The following SHISA9 variants were observed in gnomAD, a reference collection of about 807,000 sequenced individuals.
The protein encoded by SHISA9 is protein shisa-9.
A neutral mutation model predicts 38.0 loss-of-function variants in SHISA9; 13 were observed. The ratio of observed to expected loss-of-function variants is 0.34; its 90% CI spans 0.22 to 0.54. The LOEUF (loss-of-function observed/expected upper bound fraction) is 0.54. Among genes scored for constraint, SHISA9 ranks in the 20% least tolerant of loss-of-function variants. The probability of loss-of-function intolerance (pLI) is 0.91; values close to 1 mark genes in which losing one functional copy is unlikely to be tolerated. For missense variants in SHISA9, 538 were observed against 575.8 expected, an observed-to-expected ratio of 0.93 and a Z score of 0.67; for synonymous variants, 275 against 242.0, an observed-to-expected ratio of 1.14 and a Z score of -1.27.
chr16:13,218,969 T>C (rs2051197046), intron 4 of SHISA9, among the ~76,000 whole-genome samples: 1 of 152,222 alleles, frequency 6.6e-6, no homozygotes, highest in Non-Finnish European at 1.5e-5. Context: ...GGTTTGGTCA[T>C]GAGCCGCCGG....
intron 2 of SHISA9, among the ~76,000 whole-genome samples, chr16:13,059,010 A>G (rs1396194837): frequency 2.6e-5 from 4 of 152,108 alleles, no homozygotes; most frequent in African/African-American, 7.2e-5. Context: ...TCTTAGAATA[A>G]TTAGGAATTG....
At chr16:13,292,739 G>A in the SHISA9 span, among the ~76,000 whole-genome samples, 2 of 152,072 alleles carry the variant, frequency 1.3e-5, no homozygotes, top group Non-Finnish European at 2.9e-5. Flanking sequence ...AGGACTCTGA[G>A]GCTGTCTTGT....
chr16:13,098,336 C>T (rs2073846896), intron 2 of SHISA9, among the ~76,000 whole-genome samples: 1 of 152,202 alleles, frequency 6.6e-6, no homozygotes, highest in African/African-American at 2.4e-5. Flanking sequence ...TTATTGCATC[C>T]ATAAATGCCA....
At chr16:13,481,900 A>G in the SHISA9 span, among the ~76,000 whole-genome samples, 2 of 152,262 alleles carry the variant, frequency 1.3e-5, no homozygotes, top group African/African-American at 2.4e-5. Flanking sequence ...GAGAGATCTC[A>G]TTAAGAGAAC....
the SHISA9 span, among the ~76,000 whole-genome samples, chr16:13,322,145 T>C: frequency 1.3e-5 from 2 of 152,228 alleles, no homozygotes; most frequent in Non-Finnish European, 2.9e-5. Context: ...ATTTTACAAA[T>C]ACAGAAATGG....
chr16:13,411,910 C>T, the SHISA9 span, among the ~76,000 whole-genome samples: 3 of 152,284 alleles, frequency 2.0e-5, no homozygotes, highest in East Asian at 5.8e-4. Flanking sequence ...TCCATCACAG[C>T]ATCCAAAACT....
At chr16:13,159,189 A>AC (rs1337593100) in intron 2 of SHISA9, among the ~76,000 whole-genome samples, 1 of 152,220 alleles carries the variant, frequency 6.6e-6, no homozygotes, top group African/African-American at 2.4e-5. Context: ...GGAAAACAAG[A>AC]CCTATTTCTA....
At chr16:13,503,756 G>GAAC in the SHISA9 span, among the ~76,000 whole-genome samples, 2 of 152,056 alleles carry the variant, frequency 1.3e-5, no homozygotes, top group East Asian at 3.8e-4. Flanking sequence ...GAAAGTCATT[G>GAAC]AAGATTTTAA....
rs567942626 is a variant in SHISA9 at position 12,963,526 on chromosome 16, A to G, written c.691+46711A>G. Among the ~76,000 whole-genome samples the G allele has an allele frequency of 1.6e-4, 25 of 152,362 alleles. No individual in the cohort carries two copies. In the East Asian group the frequency reaches 4.4e-3, roughly 27 times the overall value. ...TGTTCAGTGTGTGGGATAATTAATA[A>G]TAGTTGACATTCATCAAATCCTTAT... On this transcript the variant is annotated intron_variant, in intron 2 of 4. Transcript: ENST00000558583.
At chr16:13,228,557 G>A (rs1483684986) in intron 4 of SHISA9, among the ~76,000 whole-genome samples, 1 of 152,206 alleles carries the variant, frequency 6.6e-6, no homozygotes, top group Admixed American at 6.5e-5. Flanking sequence ...ACATGGGAAA[G>A]AATGATGCTG....
chr16:13,503,897 A>T, the SHISA9 span, among the ~76,000 whole-genome samples: 3 of 152,332 alleles, frequency 2.0e-5, no homozygotes, highest in Non-Finnish European at 2.9e-5. Flanking sequence ...AGAGCCCACG[A>T]TAGAATAAAC....
the SHISA9 span, among the ~76,000 whole-genome samples, chr16:13,541,541 A>G: frequency 6.6e-6 from 1 of 152,162 alleles, no homozygotes; most frequent in Non-Finnish European, 1.5e-5. Flanking sequence ...CAGAATCTCC[A>G]TTTTAGAGTG....
the SHISA9 span, among the ~76,000 whole-genome samples, chr16:13,506,693 G>C: frequency 1.3e-5 from 2 of 152,066 alleles, no homozygotes; most frequent in Non-Finnish European, 2.9e-5. Context: ...TGGTGTCAGA[G>C]AGCTTATGGG....
intron 2 of SHISA9, among the ~76,000 whole-genome samples, chr16:13,158,687 G>A (rs2050568387): frequency 6.6e-6 from 1 of 152,148 alleles, no homozygotes; most frequent in Admixed American, 6.5e-5. Flanking sequence ...TTGTTGGAGG[G>A]AGGCTCCATT....
At chr16:13,263,572 C>T in the SHISA9 span, among the ~76,000 whole-genome samples, 3 of 152,168 alleles carry the variant, frequency 2.0e-5, no homozygotes, top group African/African-American at 7.2e-5. Context: ...GAACAGATGA[C>T]CAACACTATG....
rs183507881 is a variant in SHISA9 at position 13,227,798 on chromosome 16, A to G, written c.896-7232A>G. Among the ~76,000 whole-genome samples the G allele has an allele frequency of 6.6e-5, 10 of 152,258 alleles. No individual in the cohort carries two copies. The South Asian group carries it at 1.0e-3, about 16-fold the overall frequency. ...TCAAGGCCCCTTTGTGTGCCCTTTC[A>G]TGGAGTAAACTAGGCACTCAACAAA... On this transcript the variant is annotated intron_variant, in intron 4 of 4. Coordinates refer to ENST00000558583, the MANE Select transcript of SHISA9 (RefSeq NM_001145204.3).
chr16:13,231,211 G>T (rs1448318064), intron 4 of SHISA9, among the ~76,000 whole-genome samples: 1 of 152,180 alleles, frequency 6.6e-6, no homozygotes, highest in East Asian at 1.9e-4. Flanking sequence ...GGCTTAAGTG[G>T]CTAAGGGATG....
At chr16:13,280,641 T>G in the SHISA9 span, among the ~76,000 whole-genome samples, 1 of 151,850 alleles carries the variant, frequency 6.6e-6, no homozygotes, top group African/African-American at 2.4e-5. Context: ...TTAATTATGT[T>G]GTAACGAGAG....
At chr16:13,516,006 T>C in the SHISA9 span, among the ~76,000 whole-genome samples, 2 of 152,258 alleles carry the variant, frequency 1.3e-5, no homozygotes, top group Admixed American at 6.5e-5. Context: ...ATAACCTATG[T>C]CTTTCCATAT....
Sources: gnomAD v4.1 joint callset for allele counts (sites outside exome capture counted in the v4.1 genomes callset) on GRCh38, gnomAD v4.1.1 for gene constraint, MANE v1.5 for transcripts, NCBI Gene and HGNC (gene_info 2026-07-23, HGNC 2026-07-21) for gene names.